The following AHCTF1 variants were observed in gnomAD, a reference collection of about 807,000 sequenced individuals.
AHCTF1 encodes protein ELYS.
In AHCTF1, 24 loss-of-function variants were observed where a neutral mutation model predicts 248.4. The observed-to-expected ratio is 0.10, with a 90% CI of 0.07 to 0.14. AHCTF1 has a LOEUF of 0.14. Ranked by LOEUF, AHCTF1 falls within the 10% of genes least tolerant of loss-of-function variation. The pLI, the probability that AHCTF1 is intolerant of heterozygous loss-of-function variation, is 1.00. For missense variants in AHCTF1, 2,206 were observed against 2,636.2 expected (o/e 0.84, Z 3.57); for synonymous variants, 786 against 929.8 (o/e 0.85, Z 2.81).
At chr1:246,905,500 AAAAAC>A (rs747994051) in intron 6 of AHCTF1, 36 bp downstream of exon 6, 68 of 1,546,524 alleles carry the variant, frequency 4.4e-5, no homozygotes, top group African/African-American at 3.1e-4. Context: ...CTGTCTCCAA[AAAAAC>A]AAAACAAAAC....
chr1:246,856,450 G>C (rs964387010), intron 30 of AHCTF1, among the ~76,000 whole-genome samples: 1 of 152,080 alleles, frequency 6.6e-6, no homozygotes, highest in South Asian at 2.1e-4. Flanking sequence ...TACCATAAAA[G>C]TAACAGTGAT....
intron 1 of AHCTF1, 111 bp downstream of exon 1, chr1:246,931,467 G>T (rs1253886953): frequency 4.0e-6 from 4 of 1,006,876 alleles, no homozygotes; most frequent in Non-Finnish European, 4.9e-6. Flanking sequence ...CGGCGCTCGC[G>T]GGGCAGAAGC....
At chr1:246,893,017 A>T (rs1228540437) in intron 14 of AHCTF1, among the ~76,000 whole-genome samples, 1 of 152,088 alleles carries the variant, frequency 6.6e-6, no homozygotes, top group Non-Finnish European at 1.5e-5. Context: ...TTTATTTTTT[A>T]AAAAACCCAA....
At chr1:246,869,870 A>G (rs1456904961) in intron 24 of AHCTF1, among the ~76,000 whole-genome samples, 1 of 152,206 alleles carries the variant, frequency 6.6e-6, no homozygotes, top group African/African-American at 2.4e-5. Flanking sequence ...AATTTTCAAG[A>G]TATAATTTAG....
chr1:246,925,406 G>A (rs1472028580), intron 1 of AHCTF1, among the ~76,000 whole-genome samples: 1 of 152,152 alleles, frequency 6.6e-6, no homozygotes, highest in Non-Finnish European at 1.5e-5. Context: ...TATGTTGTTT[G>A]AATGCAAAAC....
intron 2 of AHCTF1, among the ~76,000 whole-genome samples, 169 bp from the exon 3 acceptor site, chr1:246,916,564 C>T (rs1464472424): frequency 6.6e-6 from 1 of 152,120 alleles, no homozygotes; most frequent in Non-Finnish European, 1.5e-5. Context: ...AATAGTCATT[C>T]AGTGGCGTGA....
intron 17 of AHCTF1, 60 bp from the exon 18 acceptor site, chr1:246,888,577 C>T: frequency 5.8e-6 from 9 of 1,563,032 alleles, no homozygotes; most frequent in Non-Finnish European, 6.1e-6. Flanking sequence ...ATCAAAGCAA[C>T]CAGCATCAAA....
chr1:246,867,732 G>T lies in AHCTF1; in HGVS notation c.3168C>A (p.Asn1056Lys). Residue 1056 changes from asparagine to lysine, a missense_variant, in exon 25 of 36, where the codon AAC (asparagine) becomes AAA (lysine). Physicochemically the swap from Asn to Lys is moderately conservative, Grantham distance 94. Transcript: ENST00000648844. ...CTTCTCCAATTTTAGATAACACATT[G>T]TTGATGAAAACAGATCTTGTCAACA... ...GTVLTRSVFINNVLSKIGEVW... is the reference protein window; with the variant it reads ...GTVLTRSVFIKNVLSKIGEVW... 6.2e-7 allele frequency: 1 copy of T among 1,612,138 alleles called. No homozygotes were observed. Among genetic ancestry groups the T allele is most frequent in the Non-Finnish European group, 8.5e-7 (1 of 1,178,774 alleles).
At chr1:246,866,313 G>C (rs1266458894) in intron 26 of AHCTF1, among the ~76,000 whole-genome samples, 1 of 151,816 alleles carries the variant, frequency 6.6e-6, no homozygotes, top group Non-Finnish European at 1.5e-5. Flanking sequence ...CCAAGAAAAG[G>C]GGACTTGCAG....
At chr1:246,895,202 G>T (rs1258579945) in intron 13 of AHCTF1, among the ~76,000 whole-genome samples, 2 of 152,018 alleles carry the variant, frequency 1.3e-5, no homozygotes, top group Non-Finnish European at 2.9e-5. Context: ...GACATTACTG[G>T]GATTTCAATA....
chr1:246,907,617 T>C lies in AHCTF1; in HGVS notation c.698A>G (p.Asn233Ser), dbSNP rs1396781014. 4 of 1,613,736 alleles carry C rather than the reference T, an allele frequency of 2.5e-6. No individual in the cohort carries two copies. Among genetic ancestry groups the C allele is most frequent in the Non-Finnish European group, 2.5e-6 (3 of 1,179,814 alleles). The change falls in exon 5 of 36, where the codon AAT (asparagine) becomes AGT (serine). Residue 233 changes from asparagine (N) to serine (S), a missense_variant. Physicochemically the swap from Asn to Ser is conservative, Grantham distance 46 (BLOSUM62 1). Transcript: ENST00000648844. ...ATCAGAAAAACCTACAGCAAGCTGATTTGTCCTGCTTATGTAACTAAGAGT... is the reference window on the plus strand; with the variant it reads ...ATCAGAAAAACCTACAGCAAGCTGACTTGTCCTGCTTATGTAACTAAGAGT... ...VSTLSYISRT[N>S]QLAVGFSDGY...
intron 31 of AHCTF1, 24 bp downstream of exon 31, chr1:246,855,706 T>G: frequency 6.4e-7 from 1 of 1,561,868 alleles, no homozygotes. Context: ...GGAATAATCC[T>G]GAAGTCAAAA....
intron 8 of AHCTF1, among the ~76,000 whole-genome samples, chr1:246,901,374 C>T (rs998568023): frequency 2.0e-5 from 3 of 151,974 alleles, no homozygotes; most frequent in Non-Finnish European, 2.9e-5. Context: ...CGGTGGCTCA[C>T]GCCTGTAATC....
chr1:246,875,501 G>C (rs1337834052), intron 24 of AHCTF1, among the ~76,000 whole-genome samples: 1 of 152,216 alleles, frequency 6.6e-6, no homozygotes, highest in Admixed American at 6.5e-5. Context: ...GACTCATTTT[G>C]AAAGAAGTTC....
Position 246,891,773 on chromosome 1 carries a change from G to C in AHCTF1, c.1945+6C>G, listed in dbSNP as rs750209176. On this transcript the variant is annotated splice_donor_region_variant and intron_variant, in intron 15 of 35. Coordinates refer to ENST00000648844, the MANE Select transcript of AHCTF1 (RefSeq NM_001323342.2). Reference sequence around the variant, plus strand: ...AAACACTCATTTGATAAAACAAAGAGCGTACCTCTCTCAGTGATCTCTCGG... The same window carrying C: ...AAACACTCATTTGATAAAACAAAGACCGTACCTCTCTCAGTGATCTCTCGG... 1.2e-6 allele frequency: 2 copies of C among 1,607,510 alleles called. No individual in the cohort carries two copies. Among genetic ancestry groups the C allele is most frequent in the South Asian group, 2.2e-5 (2 of 89,504 alleles).
At chr1:246,918,984 A>C (rs1666338097) in intron 1 of AHCTF1, among the ~76,000 whole-genome samples, 1 of 152,220 alleles carries the variant, frequency 6.6e-6, no homozygotes, top group Non-Finnish European at 1.5e-5. Context: ...CCAGAAATCA[A>C]GTTTGGTACA....
chr1:246,863,159 C>T (rs760727763), intron 27 of AHCTF1, among the ~76,000 whole-genome samples: 1 of 151,942 alleles, frequency 6.6e-6, no homozygotes, highest in South Asian at 2.1e-4. Flanking sequence ...TTATTGAAAC[C>T]TAATCTTTTC....
At chr1:246,931,377 C>G in intron 1 of AHCTF1, 1 of 1,509,496 alleles carries the variant, frequency 6.6e-7, no homozygotes, top group Non-Finnish European at 8.8e-7. Flanking sequence ...CCGGCGCCCG[C>G]GAGCCTGCCG....
intron 32 of AHCTF1, chr1:246,851,866 T>C (rs1304254873): frequency 3.7e-5 from 6 of 163,588 alleles, no homozygotes; most frequent in African/African-American, 1.4e-4. Flanking sequence ...CTTTTCTAAA[T>C]AGCACGATCC....
Sources: gnomAD v4.1 joint callset for allele counts (sites outside exome capture counted in the v4.1 genomes callset) on GRCh38, gnomAD v4.1.1 for gene constraint, MANE v1.5 for transcripts, NCBI Gene and HGNC (gene_info 2026-07-23, HGNC 2026-07-21) for gene names.